KALRN: variants seen among roughly 807,000 people sequenced by gnomAD.
KALRN encodes kalirin.
In KALRN, 70 loss-of-function variants were observed where a neutral mutation model predicts 353.7. The ratio of observed to expected loss-of-function variants is 0.20; its 90% CI spans 0.16 to 0.24. KALRN has a LOEUF of 0.24. KALRN is among the 10% of genes least tolerant of loss of function. KALRN has a pLI of 1.00. For missense variants in KALRN, 2,791 were observed against 3,756.7 expected (o/e 0.74, Z 6.72); for synonymous variants, 1,391 against 1,434.8 (o/e 0.97, Z 0.69).
At chr3:124,332,180 C>T (rs1016765598) in intron 8 of KALRN, among the ~76,000 whole-genome samples, 1 of 152,202 alleles carries the variant, frequency 6.6e-6, no homozygotes, top group African/African-American at 2.4e-5. Context: ...CTGGCCTCTG[C>T]TGCACTCTAC....
chr3:124,218,731 G>A lies in KALRN; in HGVS notation c.74-9259G>A, dbSNP rs193146847. On this transcript the variant is annotated intron_variant, in intron 1 of 59. Coordinates refer to ENST00000682506, the MANE Select transcript of KALRN (RefSeq NM_001388419.1). ...GGAGAGGGAGGGCGGGAGGAAGAGTGAGTAAGCCTGTGTGTATTGCAGCTG... is the reference window on the plus strand; with the variant it reads ...GGAGAGGGAGGGCGGGAGGAAGAGTAAGTAAGCCTGTGTGTATTGCAGCTG... Among the ~76,000 whole-genome samples, 7 of 152,320 alleles carry A rather than the reference G, an allele frequency of 4.6e-5. No individual in the cohort carries two copies. The East Asian group carries it at 1.4e-3, about 29-fold the overall frequency.
intron 5 of KALRN, among the ~76,000 whole-genome samples, chr3:124,294,556 G>T (rs1168263248): frequency 9.2e-6 from 1 of 109,180 alleles, no homozygotes; most frequent in African/African-American, 3.6e-5. Context: ...ATGGAGTCTC[G>T]CACTGTTCCC....
chr3:124,499,594 G>A (rs892091457), intron 33 of KALRN, among the ~76,000 whole-genome samples: 1 of 152,172 alleles, frequency 6.6e-6, no homozygotes, highest in Non-Finnish European at 1.5e-5. Context: ...GTTCTTCTCT[G>A]TACTAGACCT....
chr3:124,626,338 A>T (rs1257616500), intron 34 of KALRN, among the ~76,000 whole-genome samples: 1 of 152,350 alleles, frequency 6.6e-6, no homozygotes, highest in Admixed American at 6.5e-5. Flanking sequence ...ACTGGGCAAC[A>T]TAAAAGGCTT....
intron 6 of KALRN, among the ~76,000 whole-genome samples, chr3:124,323,412 G>A (rs2079553016): frequency 6.6e-6 from 1 of 152,168 alleles, no homozygotes; most frequent in African/African-American, 2.4e-5. Context: ...GCAGGGGGTG[G>A]ATGGGCAGGA....
At chr3:124,097,669 C>T (rs536666590) in intron 1 of KALRN, among the ~76,000 whole-genome samples, 34 of 152,304 alleles carry the variant, frequency 2.2e-4, no homozygotes, top group African/African-American at 7.5e-4. Context: ...AAAGAAATAA[C>T]AGCGTAGGCT....
chr3:124,128,690 A>G (rs2064956830), intron 1 of KALRN, among the ~76,000 whole-genome samples: 1 of 152,132 alleles, frequency 6.6e-6, no homozygotes, highest in Non-Finnish European at 1.5e-5. Context: ...TTAGGCCCCA[A>G]AAGCTATTTG....
chr3:124,333,855 G>A (rs2080853801), intron 8 of KALRN, among the ~76,000 whole-genome samples: 2 of 152,174 alleles, frequency 1.3e-5, no homozygotes, highest in African/African-American at 4.8e-5. Flanking sequence ...ACCATTGATT[G>A]CACTCCAGCC....
chr3:124,226,902 A>G (rs1456591421), intron 1 of KALRN, among the ~76,000 whole-genome samples: 1 of 152,178 alleles, frequency 6.6e-6, no homozygotes, highest in African/African-American at 2.4e-5. Context: ...GAGCTGACAT[A>G]CAACCGCTCG....
At chr3:124,200,289 G>T (rs2075833289) in intron 1 of KALRN, among the ~76,000 whole-genome samples, 1 of 152,154 alleles carries the variant, frequency 6.6e-6, no homozygotes, top group Non-Finnish European at 1.5e-5. Flanking sequence ...GTTCATTTGG[G>T]CTGTTATAAC....
intron 1 of KALRN, among the ~76,000 whole-genome samples, chr3:124,038,447 G>A (rs1279818787): frequency 2.6e-5 from 4 of 152,162 alleles, no homozygotes. Flanking sequence ...AGCAGGTTTG[G>A]AGGTGGCAGG....
At chr3:124,367,643 A>C (rs2085065799) in intron 10 of KALRN, among the ~76,000 whole-genome samples, 4 of 13,376 alleles carry the variant, frequency 3.0e-4, no homozygotes, top group African/African-American at 7.6e-4. Context: ...TGGGGGGCTG[A>C]CCGCCCCCAC....
At chr3:124,108,786 G>A (rs1222800856) in intron 1 of KALRN, among the ~76,000 whole-genome samples, 13 of 152,094 alleles carry the variant, frequency 8.5e-5, no homozygotes, top group Non-Finnish European at 1.8e-4. Context: ...TTTGGGGGGT[G>A]GTTTGTATCT....
chr3:124,536,050 C>T (rs192288834), intron 33 of KALRN, among the ~76,000 whole-genome samples: 74 of 152,236 alleles, frequency 4.9e-4, no homozygotes, highest in African/African-American at 1.6e-3. Context: ...AATATGCCTG[C>T]AATAGCTGCA....
intron 48 of KALRN, among the ~76,000 whole-genome samples, chr3:124,672,741 A>G (rs892990375): frequency 1.4e-4 from 22 of 152,268 alleles, no homozygotes; most frequent in Admixed American, 5.9e-4. Flanking sequence ...GAAAAGTGCT[A>G]GATTAGGAAT....
intron 10 of KALRN, among the ~76,000 whole-genome samples, chr3:124,377,087 T>TACTTTTTTC: frequency 6.6e-6 from 1 of 152,174 alleles, no homozygotes; most frequent in Non-Finnish European, 1.5e-5. Flanking sequence ...CTGGAAGTTA[T>TACTTTTTTC]AGTTAGAGAG....
At chr3:124,425,089 G>A (rs1056147626) in intron 15 of KALRN, among the ~76,000 whole-genome samples, 2 of 152,182 alleles carry the variant, frequency 1.3e-5, no homozygotes, top group Non-Finnish European at 2.9e-5. Context: ...TCTCATAGAA[G>A]TGGAGTGTAG....
In KALRN at chr3:124,354,916, C is replaced by T. The variant is rs377369872; in HGVS notation, c.1770+7651C>T. Among the ~76,000 whole-genome samples, 9 of 152,270 alleles carry T rather than the reference C, an allele frequency of 5.9e-5. No individual in the cohort carries two copies. The South Asian group carries it at 1.9e-3, about 32-fold the overall frequency. On this transcript the variant is annotated intron_variant, in intron 10 of 59. Transcript: ENST00000682506. ...AAACAAAATGAAGATAAGAGGAACA[C>T]AGAAATGAGCCATCATGTTAGTGGA...
At chr3:124,064,174 C>G (rs1372901341) in intron 1 of KALRN, among the ~76,000 whole-genome samples, 1 of 152,118 alleles carries the variant, frequency 6.6e-6, no homozygotes, top group Non-Finnish European at 1.5e-5. Flanking sequence ...GATATAATTA[C>G]AGCTTATCCT....
Sources: gnomAD v4.1 joint callset for allele counts (sites outside exome capture counted in the v4.1 genomes callset) on GRCh38, gnomAD v4.1.1 for gene constraint, MANE v1.5 for transcripts, NCBI Gene and HGNC (gene_info 2026-07-23, HGNC 2026-07-21) for gene names.